Variants in ZFHX3 observed in about 807,000 individuals in gnomAD.
ZFHX3 encodes the protein zinc finger homeobox 3, also known as zinc finger homeobox protein 3.
Under a neutral mutation model 279.1 loss-of-function variants are expected in ZFHX3, and 42 were observed. The observed-to-expected ratio is 0.15, with a 90% CI of 0.12 to 0.19. The LOEUF is 0.19. Among genes scored for constraint, ZFHX3 ranks in the 10% least tolerant of loss-of-function variants. ZFHX3 has a pLI of 1.00. For synonymous variants in ZFHX3, 2,293 were observed against 1,957.8 expected, an observed-to-expected ratio of 1.17 and a Z score of -4.52; for missense variants, 4,981 against 4,754.0, an observed-to-expected ratio of 1.05 and a Z score of -1.40.
At chr16:73,049,703 G>A (rs896127772), upstream of ZFHX3, among the ~76,000 whole-genome samples, 6 of 152,212 alleles carry the variant, frequency 3.9e-5, no homozygotes, top group Non-Finnish European at 5.9e-5. Flanking sequence ...ACACGTGAGA[G>A]CACGGGGGCC....
At chr16:73,480,372 T>C (rs1344115027) in intron 2 of ZFHX3, among the ~76,000 whole-genome samples, 2 of 152,216 alleles carry the variant, frequency 1.3e-5, no homozygotes, top group Admixed American at 1.3e-4. Context: ...TTCTTTGCTT[T>C]CATCTATTGA....
chr16:73,520,569 C>G (rs1046009995), intron 2 of ZFHX3, among the ~76,000 whole-genome samples: 2 of 152,198 alleles, frequency 1.3e-5, no homozygotes, highest in African/African-American at 2.4e-5. Flanking sequence ...CCATCTGGCT[C>G]TCTCACCACC....
chr16:73,096,478 T>C (rs1184959303), intron 7 of ZFHX3, among the ~76,000 whole-genome samples: 2 of 151,614 alleles, frequency 1.3e-5, no homozygotes, highest in Non-Finnish European at 2.9e-5. Context: ...TCTCAGCTCA[T>C]TGTAACCTCC....
chr16:73,514,631 C>A (rs1232405194), intron 2 of ZFHX3, among the ~76,000 whole-genome samples: 2 of 152,144 alleles, frequency 1.3e-5, no homozygotes, highest in African/African-American at 2.4e-5. Flanking sequence ...CTTTGAGATA[C>A]GTGTTATTAT....
At chr16:73,456,848 A>C (rs908789622) in intron 2 of ZFHX3, among the ~76,000 whole-genome samples, 1 of 152,242 alleles carries the variant, frequency 6.6e-6, no homozygotes, top group Non-Finnish European at 1.5e-5. Context: ...ATGACCTTTA[A>C]AAACTGATAA....
rs2052092562 is a variant in ZFHX3 at position 73,599,802 on chromosome 16, A to C, written c.-1547+80378T>G. ...TGAATACACTTCCACCGGTATAATG[A>C]GACTCACTTCCAGGGCAGAAAAAGA... On this transcript the variant is annotated intron_variant, in intron 2 of 17. Coordinates refer to the ZFHX3 transcript ENST00000641206. 2.6e-5 allele frequency among the ~76,000 whole-genome samples: 4 copies of C among 151,926 alleles called. No individual in the cohort carries two copies. In the South Asian group the frequency reaches 8.4e-4, roughly 32 times the overall value.
intron 1 of ZFHX3, among the ~76,000 whole-genome samples, chr16:73,013,415 G>A (rs1221493664): frequency 2.6e-5 from 4 of 152,068 alleles, no homozygotes; most frequent in Admixed American, 2.0e-4. Flanking sequence ...AGCCTCCCAA[G>A]TAACTGGGAC....
chr16:73,848,903 G>C (rs547124610), intron 1 of ZFHX3, among the ~76,000 whole-genome samples: 2 of 152,300 alleles, frequency 1.3e-5, no homozygotes, highest in South Asian at 4.2e-4. Flanking sequence ...GTGCCATCCA[G>C]CATGCAACTA....
At chr16:72,817,399 G>A (rs550679694) in intron 5 of ZFHX3, among the ~76,000 whole-genome samples, 4 of 152,336 alleles carry the variant, frequency 2.6e-5, no homozygotes, top group Non-Finnish European at 5.9e-5. Flanking sequence ...CAAGTAAGGC[G>A]TGGAGTTGCT....
chr16:73,807,615 C>T (rs62044561), intron 1 of ZFHX3, among the ~76,000 whole-genome samples: 1 of 137,048 alleles, frequency 7.3e-6, no homozygotes, highest in Non-Finnish European at 1.5e-5. Context: ...TTCCACCATG[C>T]CCCAATTTTT....
intron 1 of ZFHX3, among the ~76,000 whole-genome samples, chr16:73,863,972 C>G (rs1961948755): frequency 6.6e-6 from 1 of 152,190 alleles, no homozygotes; most frequent in African/African-American, 2.4e-5. Flanking sequence ...ACTCCCACCT[C>G]TCCTCAAAAC....
chr16:73,182,971 G>A (rs1311758311), intron 5 of ZFHX3, among the ~76,000 whole-genome samples: 1 of 152,190 alleles, frequency 6.6e-6, no homozygotes, highest in African/African-American at 2.4e-5. Flanking sequence ...TTGGAAGGCC[G>A]AGGTGGGTGG....
chr16:73,207,043 TAA>T, intron 5 of ZFHX3, among the ~76,000 whole-genome samples: 1 of 149,114 alleles, frequency 6.7e-6, no homozygotes, highest in Non-Finnish European at 1.5e-5. Context: ...AATAAATAAA[TAA>T]ATAAATAAAT....
chr16:73,676,867 G>A (rs1228897350), intron 2 of ZFHX3, among the ~76,000 whole-genome samples: 1 of 151,930 alleles, frequency 6.6e-6, no homozygotes, highest in Non-Finnish European at 1.5e-5. Flanking sequence ...AGTGGGCAAA[G>A]ACAGACTTTA....
intron 2 of ZFHX3, among the ~76,000 whole-genome samples, chr16:73,464,599 G>C (rs181242636): frequency 6.8e-6 from 1 of 146,332 alleles, no homozygotes. Context: ...AATAAGGGGC[G>C]GGGGGGAGAG....
chr16:73,045,715 C>T (rs915681849), intron 1 of ZFHX3, among the ~76,000 whole-genome samples: 3 of 144,312 alleles, frequency 2.1e-5, no homozygotes, highest in Non-Finnish European at 3.0e-5. Flanking sequence ...CTCAATAGTT[C>T]CCTGTTCATC....
rs1365090446 is a variant in ZFHX3 at position 73,491,756 on chromosome 16, T to G, written c.-1546-35498A>C. On this transcript the variant is annotated intron_variant, in intron 2 of 17. Coordinates refer to the ZFHX3 transcript ENST00000641206. Reference sequence around the variant, plus strand: ...AGCAGTGTATAGAGACATTTTTGATTATCACAGCTGGAGGCAAGTGGTGGG... The same window carrying G: ...AGCAGTGTATAGAGACATTTTTGATGATCACAGCTGGAGGCAAGTGGTGGG... 2.0e-5 allele frequency among the ~76,000 whole-genome samples: 3 copies of G among 152,240 alleles called. No homozygotes were observed. The East Asian group carries it at 5.8e-4, about 29-fold the overall frequency.
chr16:73,172,594 T>C (rs542368036), intron 5 of ZFHX3, among the ~76,000 whole-genome samples: 74 of 152,350 alleles, frequency 4.9e-4, no homozygotes, highest in Non-Finnish European at 9.7e-4. Context: ...GGTAGCTCTA[T>C]AGAGCGTGGG....
rs567285711 is a variant in ZFHX3, at chr16:72,784,258, A to AAAAAAC, written c.*2900_*2905dup. 1 of 152,124 alleles carries AAAAAAC rather than the reference A, an allele frequency of 6.6e-6. No homozygotes were observed. The highest frequency in any genetic ancestry group is 1.5e-5 in the Non-Finnish European group (1 of 68,156). 9.4% of individuals were successfully genotyped at this position (152,124 alleles called of 1,614,324 possible). On this transcript the variant is annotated 3_prime_UTR_variant, in exon 10 of 10. Coordinates refer to ENST00000268489, the MANE Select transcript of ZFHX3 (RefSeq NM_006885.4). ...GATGGCATAGTAGCTCCATGAAAAA[A>AAAAAAC]AAAAACAAAAACAAAAACAAAAACC...
Sources: allele counts gnomAD v4.1 joint callset (sites outside exome capture counted in the v4.1 genomes callset), GRCh38; gene constraint gnomAD v4.1.1; transcripts MANE v1.5; gene names NCBI Gene and HGNC (gene_info 2026-07-23, HGNC 2026-07-21).